HMCN1: variants seen among roughly 807,000 people sequenced by gnomAD.
HMCN1 encodes the protein hemicentin 1, also known as hemicentin-1.
HMCN1 carries 321 observed loss-of-function variants against 625.9 expected under a neutral mutation model. That is an observed-to-expected ratio of 0.51 (90% CI 0.47 to 0.56). The LOEUF is 0.56. Ranked by LOEUF, HMCN1 falls within the 20% of genes least tolerant of loss-of-function variation. The pLI is 0.00. For synonymous variants in HMCN1, 2,425 were observed against 2,417.6 expected, an observed-to-expected ratio of 1.00 and a Z score of -0.09; for missense variants, 6,588 against 6,887.3, an observed-to-expected ratio of 0.96 and a Z score of 1.54.
At chr1:186,057,031 T>TCTCACACACACACACA (rs1553284156) in intron 45 of HMCN1, among the ~76,000 whole-genome samples, 1 of 147,934 alleles carries the variant, frequency 6.8e-6, no homozygotes, top group African/African-American at 2.5e-5. Context: ...TCCAGGAATG[T>TCTCACACACACACACA]CACACACACA....
chr1:186,015,266 A>G lies in HMCN1; in HGVS notation c.4738A>G (p.Thr1580Ala), dbSNP rs764868698. ...ACGGGGACTTCCAATGCCTGCCATT[A>G]CTTGGTATAAGGACGGGCAGCCAAT... ...ETRGLPMPAI[T>A]WYKDGQPIMS... The change falls in exon 31 of 107, where the codon ACT becomes GCT. Residue 1580 changes from threonine to alanine, a missense_variant. By Grantham distance (58) the Thr-to-Ala change is moderately conservative. Coordinates refer to ENST00000271588, the MANE Select transcript of HMCN1 (RefSeq NM_031935.3). 13 of 1,613,678 alleles carry G rather than the reference A, an allele frequency of 8.1e-6. No individual in the cohort carries two copies. The highest frequency in any genetic ancestry group is 6.7e-5 in the African/African-American group (5 of 74,906).
At chr1:186,154,391 G>A (rs551656742) in intron 97 of HMCN1, among the ~76,000 whole-genome samples, 79 of 152,172 alleles carry the variant, frequency 5.2e-4, no homozygotes, top group African/African-American at 1.8e-3. Flanking sequence ...TCGTGGGGGC[G>A]GGTGCCTGTA....
At chr1:186,003,150 C>G (rs1049434736) in intron 28 of HMCN1, among the ~76,000 whole-genome samples, 4 of 152,060 alleles carry the variant, frequency 2.6e-5, no homozygotes, top group Non-Finnish European at 5.9e-5. Context: ...AGACCAAGCA[C>G]TTTAACATGG....
intron 80 of HMCN1, among the ~76,000 whole-genome samples, chr1:186,121,963 AGTT>A (rs1423904683): frequency 6.6e-6 from 1 of 152,196 alleles, no homozygotes; most frequent in Non-Finnish European, 1.5e-5. Flanking sequence ...TGTTAAATGC[AGTT>A]GAGTCAAGTA....
At chr1:185,942,419 C>G (rs1295784630) in intron 11 of HMCN1, among the ~76,000 whole-genome samples, 1 of 152,048 alleles carries the variant, frequency 6.6e-6, no homozygotes, top group Non-Finnish European at 1.5e-5. Context: ...AATGCAGTAG[C>G]AGGGAAAACG....
chr1:186,080,159 C>T (rs1169136170), intron 55 of HMCN1, among the ~76,000 whole-genome samples: 12 of 152,116 alleles, frequency 7.9e-5, no homozygotes, highest in Admixed American at 7.2e-4. Flanking sequence ...AAATCAATCA[C>T]GTAGCTTTGA....
chr1:185,950,384 G>A lies in HMCN1; in HGVS notation c.1829-12134G>A, dbSNP rs374509520. The stretch of plus-strand genomic sequence containing the variant: ...ATTAAAGCAGTGGCAGCCGCTGCAC[G>A]CAGACATGAGGGCTAGGCTAAAACA... On this transcript the variant is annotated intron_variant, in intron 11 of 106. Transcript: ENST00000271588. 1.3e-4 allele frequency among the ~76,000 whole-genome samples: 20 copies of A among 152,034 alleles called. No homozygotes were observed. The East Asian group carries it at 2.7e-3, about 21-fold the overall frequency.
chr1:185,798,332 G>C (rs529307190), intron 1 of HMCN1, among the ~76,000 whole-genome samples: 2 of 152,110 alleles, frequency 1.3e-5, no homozygotes, highest in East Asian at 3.9e-4. Flanking sequence ...GCTGACTTTA[G>C]GCTGATGATT....
At chr1:185,769,768 C>T (rs1469195484) in intron 1 of HMCN1, among the ~76,000 whole-genome samples, 1 of 152,142 alleles carries the variant, frequency 6.6e-6, no homozygotes, top group Admixed American at 6.6e-5. Flanking sequence ...GCTGCTGAGT[C>T]AGGTAAGCCC....
intron 76 of HMCN1, among the ~76,000 whole-genome samples, 155 bp from the exon 77 acceptor site, chr1:186,117,304 C>T (rs891714206): frequency 6.6e-6 from 1 of 151,828 alleles, no homozygotes; most frequent in African/African-American, 2.4e-5. Context: ...ACTTCATCAC[C>T]CAGGTATTAA....
At chr1:185,940,219 T>C (rs757848373) in intron 11 of HMCN1, among the ~76,000 whole-genome samples, 19 of 152,214 alleles carry the variant, frequency 1.2e-4, no homozygotes, top group Non-Finnish European at 2.1e-4. Context: ...CTTATTTAAA[T>C]ATATTATCTT....
At chr1:185,761,254 G>T (rs923675618) in intron 1 of HMCN1, among the ~76,000 whole-genome samples, 2 of 152,094 alleles carry the variant, frequency 1.3e-5, no homozygotes, top group African/African-American at 2.4e-5. Flanking sequence ...TCAAGTTGGG[G>T]GGTGGTAGAG....
At chr1:185,817,330 A>G (rs533766837) in intron 1 of HMCN1, among the ~76,000 whole-genome samples, 2 of 152,290 alleles carry the variant, frequency 1.3e-5, no homozygotes, top group South Asian at 4.1e-4. Flanking sequence ...GGGCAGCAAT[A>G]GACAGCAGTG....
intron 36 of HMCN1, among the ~76,000 whole-genome samples, chr1:186,033,837 G>C (rs1655644722): frequency 6.6e-6 from 1 of 151,808 alleles, no homozygotes; most frequent in South Asian, 2.1e-4. Flanking sequence ...ACATAATTTG[G>C]CAACTCTGGA....
intron 36 of HMCN1, among the ~76,000 whole-genome samples, chr1:186,035,858 C>A (rs571444307): frequency 1.3e-5 from 2 of 152,238 alleles, no homozygotes; most frequent in Non-Finnish European, 2.9e-5. Flanking sequence ...CACACACATA[C>A]ACATATGCAT....
rs1302836148 is a variant in HMCN1 at position 186,019,645 on chromosome 1, A to G, written c.5575A>G (p.Thr1859Ala). ...CAATGGGATTCCAAATCCTTCCATT[A>G]CATGGTTAAAAGATGACCAGCCTGT... Reference protein sequence around the residue: ...IANGIPNPSITWLKDDQPVNT... With the variant: ...IANGIPNPSIAWLKDDQPVNT... Residue 1859 changes from threonine (T) to alanine (A), a missense_variant, in exon 35 of 107, where the codon ACA becomes GCA. Physicochemically the swap from Thr to Ala is moderately conservative, Grantham distance 58. Coordinates refer to ENST00000271588, the MANE Select transcript of HMCN1 (RefSeq NM_031935.3). 1 of 1,612,304 alleles carries G rather than the reference A, an allele frequency of 6.2e-7. No homozygotes were observed. Among genetic ancestry groups the G allele is most frequent in the Non-Finnish European group, 8.5e-7 (1 of 1,178,666 alleles).
In HMCN1 at chr1:186,108,469, A is replaced by G; in HGVS notation, c.10861A>G (p.Asn3621Asp). 1.4e-5 allele frequency: 23 copies of G among 1,614,068 alleles called. No individual in the cohort carries two copies. The highest frequency in any genetic ancestry group is 1.9e-5 in the Non-Finnish European group (23 of 1,180,002). The change falls in exon 71 of 107, where the codon AAT (asparagine) becomes GAT (aspartate). Residue 3621 changes from asparagine to aspartate, a missense_variant. By Grantham distance (23) the Asn-to-Asp change is conservative. Coordinates refer to ENST00000271588, the MANE Select transcript of HMCN1 (RefSeq NM_031935.3). Reference protein sequence around the residue: ...EYLVRVHVPPNIAGTDEPRDI... With the variant: ...EYLVRVHVPPDIAGTDEPRDI... ...TTTGTTCTCACACCCAGTACCTCCT[A>G]ATATTGCTGGAACTGATGAGCCCCG... is the stretch of plus-strand genomic sequence containing the variant.
chr1:186,078,610 G>A (rs1658971526), intron 55 of HMCN1, among the ~76,000 whole-genome samples: 1 of 152,152 alleles, frequency 6.6e-6, no homozygotes, highest in Admixed American at 6.5e-5. Flanking sequence ...ATAGCAAGGT[G>A]GCCTCTAGCA....
intron 1 of HMCN1, among the ~76,000 whole-genome samples, chr1:185,765,315 G>A (rs780964968): frequency 3.3e-5 from 5 of 152,044 alleles, no homozygotes; most frequent in Non-Finnish European, 4.4e-5. Flanking sequence ...CATGAAAAAC[G>A]GAGGAGAGAG....
Sources: allele counts gnomAD v4.1 joint callset (sites outside exome capture counted in the v4.1 genomes callset), GRCh38; gene constraint gnomAD v4.1.1; transcripts MANE v1.5; gene names NCBI Gene and HGNC (gene_info 2026-07-23, HGNC 2026-07-21).